Variants in MYO1C observed in about 807,000 individuals in gnomAD.
The protein encoded by MYO1C is myosin IC.
Under a neutral mutation model 150.8 loss-of-function variants are expected in MYO1C, and 104 were observed. The ratio of observed to expected loss-of-function variants is 0.69; its 90% CI spans 0.59 to 0.81. MYO1C has a LOEUF of 0.81. Among genes scored for constraint, MYO1C ranks in the 30% least tolerant of loss-of-function variants. The pLI is 0.00. For synonymous variants in MYO1C, 663 were observed against 579.9 expected (o/e 1.14, Z -2.06); for missense variants, 1,504 against 1,435.0 (o/e 1.05, Z -0.78).
In MYO1C at chr17:1,477,513, G is replaced by A. The variant is rs763154881; in HGVS notation, c.1566C>T (p.His522=). 3 of 1,613,678 alleles carry A rather than the reference G, an allele frequency of 1.9e-6. No individual in the cohort carries two copies. The East Asian group carries it at 6.7e-5, about 36-fold the overall frequency. ...CCCGCAGCCCCACTCACGTCAGGAAGTGTGGATGGTGCTTGACAGTATCCT... is the reference window on the plus strand; with the variant it reads ...CCCGCAGCCCCACTCACGTCAGGAAATGTGGATGGTGCTTGACAGTATCCT... ...KLEDTVKHHP[H]FLTHKLADQR... Residue 522 remains histidine (H), a synonymous_variant, in exon 14 of 32, where the codon CAC becomes CAT. Coordinates refer to ENST00000648651, the MANE Select transcript of MYO1C (RefSeq NM_001080779.2).
chr17:1,470,487 G>A lies in MYO1C; in HGVS notation c.2314C>T (p.Leu772=), dbSNP rs1452731964. The A allele has an allele frequency of 6.4e-7, 1 of 1,551,384 alleles. No individual in the cohort carries two copies. Among genetic ancestry groups the A allele is most frequent in the Admixed American group, 2.0e-5 (1 of 51,124 alleles). ...CTCTTGGCTGCCTTCCTCCGGCCCA[G>A]TGTTCCACGCCACCACGACTGGATG... ...ICIQSWWRGT[L]GRRKAAKRKW... Residue 772 remains leucine (L), a synonymous_variant, in exon 23 of 32, where the codon CTG becomes TTG. Coordinates refer to ENST00000648651, the MANE Select transcript of MYO1C (RefSeq NM_001080779.2).
chr17:1,483,786 G>A (rs1405055805), intron 2 of MYO1C, 61 bp from the exon 3 acceptor site: 2 of 1,352,954 alleles, frequency 1.5e-6, no homozygotes, highest in Non-Finnish European at 1.0e-6. Flanking sequence ...GCTCATGCCT[G>A]TAATCCCAGC....
Position 1,468,462 on chromosome 17 carries a change from T to G in MYO1C, c.2645A>C (p.Lys882Thr). 1 of 1,613,838 alleles carries G rather than the reference T, an allele frequency of 6.2e-7. No homozygotes were observed. Among genetic ancestry groups the G allele is most frequent in the Non-Finnish European group, 8.5e-7 (1 of 1,179,934 alleles). Reference sequence around the variant, plus strand: ...CTGAGGGTAATTATCCTTCTTGCCCTTGAAGATCTCACTAGCCACGGCCTT... The same window carrying G: ...CTGAGGGTAATTATCCTTCTTGCCCGTGAAGATCTCACTAGCCACGGCCTT... ...QQKAVASEIF[K>T]GKKDNYPQSV... Residue 882 changes from lysine (K) to threonine (T), a missense_variant, in exon 26 of 32, where the codon AAG becomes ACG. Coordinates refer to ENST00000648651, the MANE Select transcript of MYO1C (RefSeq NM_001080779.2).
chr17:1,489,495 T>C (rs2074705648), intron 1 of MYO1C, among the ~76,000 whole-genome samples: 1 of 152,010 alleles, frequency 6.6e-6, no homozygotes, highest in South Asian at 2.1e-4. Context: ...GGCCACATAG[T>C]GGTGAGACCC....
In MYO1C at chr17:1,478,575, C is replaced by T. The variant is rs760430881; in HGVS notation, c.1212+41G>A. On this transcript the variant is annotated intron_variant, in intron 10 of 31. Coordinates refer to ENST00000648651, the MANE Select transcript of MYO1C (RefSeq NM_001080779.2). The surrounding 1 kb of genome is among the most constrained non-coding windows in gnomAD (Gnocchi z 6.3). ...CAGCACCCCCCGCCTCGCCGACGGC[C>T]CTCCCTTCTGCCTTGGGAGCAGTGT... is the stretch of plus-strand genomic sequence containing the variant. The T allele has an allele frequency of 2.6e-5, 42 of 1,613,846 alleles. No homozygotes were observed. The highest frequency in any genetic ancestry group is 3.5e-5 in the Non-Finnish European group (41 of 1,179,960).
Position 1,474,619 on chromosome 17 carries a change from C to A in MYO1C, c.1788G>T (p.Arg596=). ...FDRSELSDKK[R]PETVATQFKM... The stretch of plus-strand genomic sequence containing the variant: ...CCCGCCACCTCCTCACCGTCTCTGG[C>A]CGCTTCTTGTCACTGAGCTCGCTCC... Residue 596 remains arginine (R), a synonymous_variant, in exon 17 of 32, where the codon CGG becomes CGT. Coordinates refer to ENST00000648651, the MANE Select transcript of MYO1C (RefSeq NM_001080779.2). The A allele has an allele frequency of 1.2e-6, 2 of 1,613,868 alleles. No homozygotes were observed. The highest frequency in any genetic ancestry group is 8.5e-7 in the Non-Finnish European group (1 of 1,179,920).
chr17:1,465,722 T>A lies in MYO1C; in HGVS notation c.*4A>T. On this transcript the variant is annotated 3_prime_UTR_variant, in exon 32 of 32. Transcript: ENST00000648651. ...GCGTTGGGAGGGTCCAGTGGGCGCCTTTATCACCGAGAATTCAGCCGTGGG... is the reference window on the plus strand; with the variant it reads ...GCGTTGGGAGGGTCCAGTGGGCGCCATTATCACCGAGAATTCAGCCGTGGG... 1 of 1,324,536 alleles carries A rather than the reference T, an allele frequency of 7.5e-7. No individual in the cohort carries two copies. The highest frequency in any genetic ancestry group is 2.8e-5 in the East Asian group (1 of 35,694). 82.0% of individuals were successfully genotyped at this position (1,324,536 alleles called of 1,614,324 possible). A position where few individuals can be genotyped will look rare whatever the true frequency, so the allele number is the denominator to read the frequency against.
In MYO1C at chr17:1,471,999, G is replaced by A. The variant is rs1205698856; in HGVS notation, c.1929C>T (p.Arg643=). 1.2e-6 allele frequency: 2 copies of A among 1,613,956 alleles called. No individual in the cohort carries two copies. The highest frequency in any genetic ancestry group is 1.3e-5 in the African/African-American group (1 of 74,942). ...QPGRFDEVLI[R]HQVKYLGLLE... is the part of the protein sequence containing the mutation. ...ACAGCCCCAGGTACTTCACCTGGTG[G>A]CGGATCAGCACCTCGTCAAAGCGGC... is the stretch of plus-strand genomic sequence containing the variant. The change falls in exon 19 of 32, where the codon CGC becomes CGT. Residue 643 remains arginine (R), a synonymous_variant. Coordinates refer to ENST00000648651, the MANE Select transcript of MYO1C (RefSeq NM_001080779.2).
chr17:1,482,350 G>A, intron 5 of MYO1C, 128 bp downstream of exon 5: 1 of 865,970 alleles, frequency 1.2e-6, no homozygotes, highest in African/African-American at 1.7e-5. Context: ...CTGGAAGGCA[G>A]GATTTTTGTT....
intron 5 of MYO1C, among the ~76,000 whole-genome samples, chr17:1,481,845 T>C (rs78246724): frequency 3.7e-5 from 5 of 134,072 alleles, no homozygotes; most frequent in Admixed American, 7.4e-5. Flanking sequence ...AAAAAAAAAG[T>C]TCTTGCAACA....
At chr17:1,492,377 C>G (rs760713342) in intron 1 of MYO1C, 36 bp downstream of exon 1, 4 of 1,571,924 alleles carry the variant, frequency 2.5e-6, no homozygotes, top group Non-Finnish European at 2.6e-6. Flanking sequence ...GGGAGACGCT[C>G]CCACCCTCCT....
In MYO1C at chr17:1,467,869, G is replaced by A. The variant is rs1567513417; in HGVS notation, c.2938C>T (p.His980Tyr). 1 of 1,608,428 alleles carries A rather than the reference G, an allele frequency of 6.2e-7. No homozygotes were observed. The highest frequency in any genetic ancestry group is 8.5e-7 in the Non-Finnish European group (1 of 1,178,622). ...TGCTTATTGTCCGCACGCTGTACAT[G>A]AAGCACAAAAAGACTGTCGCTCAGG... ...SSLSDSLFVL[H>Y]VQRADNKQKG... The change falls in exon 29 of 32, where the codon CAT becomes TAT. Residue 980 changes from histidine to tyrosine, a missense_variant. Coordinates refer to ENST00000648651, the MANE Select transcript of MYO1C (RefSeq NM_001080779.2).
Position 1,472,035 on chromosome 17 carries a change from G to C in MYO1C, c.1904-11C>G, listed in dbSNP as rs929097746. 7 of 1,613,852 alleles carry C rather than the reference G, an allele frequency of 4.3e-6. No homozygotes were observed. Among genetic ancestry groups the C allele is most frequent in the Non-Finnish European group, 5.9e-6 (7 of 1,179,866 alleles). On this transcript the variant is annotated splice_polypyrimidine_tract_variant and intron_variant, in intron 18 of 31. Transcript: ENST00000648651. ...CCTCGTCAAAGCGGCCTGGGGTAGG[G>C]GGAGCGCCGTGGTCAGCGGGCTGGC...
At chr17:1,491,518 C>T (rs1454029319) in intron 1 of MYO1C, 2 of 606,418 alleles carry the variant, frequency 3.3e-6, no homozygotes, top group African/African-American at 2.0e-5. Context: ...ACCCCTGCCT[C>T]GTGCACGGCG....
chr17:1,465,776 C>T, intron 31 of MYO1C, 24 bp from the exon 32 acceptor site: 2 of 1,317,858 alleles, frequency 1.5e-6, no homozygotes, highest in Admixed American at 6.1e-5. Context: ...GAGAGACGGC[C>T]AAGTGGTGAG....
intron 31 of MYO1C, 28 bp downstream of exon 31, chr17:1,467,214 C>G: frequency 6.3e-7 from 1 of 1,588,282 alleles, no homozygotes; most frequent in Non-Finnish European, 8.6e-7. Flanking sequence ...ACAGCCAGGC[C>G]ATAAGCGGGA....
chr17:1,470,907 C>T, intron 21 of MYO1C, 164 bp downstream of exon 21: 1 of 946,040 alleles, frequency 1.1e-6, no homozygotes, highest in South Asian at 1.4e-5. Flanking sequence ...GGGAGGGGCT[C>T]CAAGTCGGCC....
intron 1 of MYO1C, among the ~76,000 whole-genome samples, chr17:1,488,414 A>G (rs55640917): frequency 0.58 from 88,361 of 152,068 alleles, 26,356 homozygotes; most frequent in African/African-American, 0.65. Context: ...GAAGCGGGGA[A>G]CCTGGGTGGG....
intron 25 of MYO1C, chr17:1,469,264 GA>G: frequency 2.0e-6 from 1 of 504,378 alleles, no homozygotes; most frequent in Non-Finnish European, 3.7e-6. Flanking sequence ...AAATACAGTA[GA>G]TTGCGGTAAA....
Sources: allele counts gnomAD v4.1 joint callset (sites outside exome capture counted in the v4.1 genomes callset), GRCh38; gene constraint gnomAD v4.1.1; non-coding constraint Gnocchi (gnomAD v3.1); transcripts MANE v1.5; gene names NCBI Gene and HGNC (gene_info 2026-07-23, HGNC 2026-07-21).